Variants in SVIL observed in about 807,000 individuals in gnomAD.
The protein encoded by SVIL is supervillin.
Under a neutral mutation model 240.4 loss-of-function variants are expected in SVIL, and 101 were observed. The ratio of observed to expected loss-of-function variants is 0.42; its 90% CI spans 0.36 to 0.50. The LOEUF is 0.50. Among genes scored for constraint, SVIL ranks in the 20% least tolerant of loss-of-function variants. The pLI is 0.01. For synonymous variants in SVIL, 999 were observed against 1,100.0 expected (o/e 0.91, Z 1.82); for missense variants, 2,512 against 2,818.7 (o/e 0.89, Z 2.46).
chr10:29,552,918 G>A (rs17835057), intron 5 of SVIL, among the ~76,000 whole-genome samples: 45,429 of 151,764 alleles, frequency 0.3, 7,085 homozygotes, highest in African/African-American at 0.39. Flanking sequence ...TTACCATTTC[G>A]GGTACACTAC....
intron 5 of SVIL, among the ~76,000 whole-genome samples, chr10:29,553,159 T>A (rs779717517): frequency 6.8e-6 from 1 of 146,074 alleles, no homozygotes; most frequent in Non-Finnish European, 1.5e-5. Flanking sequence ...GATTTTAAAA[T>A]ATCTTAGTTT....
At chr10:29,482,251 C>T (rs1946970063) in intron 27 of SVIL, among the ~76,000 whole-genome samples, 1 of 152,012 alleles carries the variant, frequency 6.6e-6, no homozygotes, top group Non-Finnish European at 1.5e-5. Flanking sequence ...TCAGGCTGGT[C>T]TTGAACTCCT....
chr10:29,517,381 C>A (rs7900018), intron 16 of SVIL, among the ~76,000 whole-genome samples: 2 of 151,702 alleles, frequency 1.3e-5, no homozygotes, highest in Admixed American at 1.3e-4. Flanking sequence ...GAGCTATGAT[C>A]GCACCACTGC....
chr10:29,659,300 C>T (rs970698022), intron 2 of SVIL, among the ~76,000 whole-genome samples: 5 of 152,286 alleles, frequency 3.3e-5, no homozygotes, highest in South Asian at 4.1e-4. Flanking sequence ...GGTTAACAAG[C>T]GTGGCTTTGG....
intron 3 of SVIL, among the ~76,000 whole-genome samples, chr10:29,653,355 C>T (rs1416955949): frequency 6.6e-6 from 1 of 152,130 alleles, no homozygotes; most frequent in Non-Finnish European, 1.5e-5. Context: ...GTCTGCTTCC[C>T]ATTCACCTTC....
At chr10:29,689,653 G>A (rs1418090810) in intron 1 of SVIL, among the ~76,000 whole-genome samples, 2 of 152,202 alleles carry the variant, frequency 1.3e-5, no homozygotes, top group Non-Finnish European at 2.9e-5. Flanking sequence ...TGTTATTGGA[G>A]TATTCATGAC....
chr10:29,696,070 G>C (rs1589530294), intron 1 of SVIL, among the ~76,000 whole-genome samples: 4 of 151,862 alleles, frequency 2.6e-5, no homozygotes, highest in African/African-American at 9.7e-5. Context: ...TCCTGCCTCA[G>C]CCTGCCGAGT....
chr10:29,560,160 A>G (rs1327523836), intron 3 of SVIL, among the ~76,000 whole-genome samples: 1 of 152,164 alleles, frequency 6.6e-6, no homozygotes, highest in Non-Finnish European at 1.5e-5. Context: ...AAGCCCTTTA[A>G]CTTTTACTCT....
rs562798701 is a variant in SVIL, at chr10:29,724,021, C to T, written c.-400+11730G>A. ...TGTTTAGAGAGACTTGGGTATGGGG[C>T]AAGGGAAGTATGAACGGGTTTATAA... On this transcript the variant is annotated intron_variant, in intron 1 of 35. Coordinates refer to the SVIL transcript ENST00000375400. 5.1e-4 allele frequency among the ~76,000 whole-genome samples: 78 copies of T among 152,204 alleles called. No homozygotes were observed. The South Asian group carries it at 0.016, about 30-fold the overall frequency.
intron 1 of SVIL, among the ~76,000 whole-genome samples, chr10:29,608,070 G>T (rs954932342): frequency 1.3e-5 from 2 of 152,216 alleles, no homozygotes; most frequent in Admixed American, 6.5e-5. Context: ...GTCACTCTAT[G>T]CACAGCCCTG....
chr10:29,704,391 T>C (rs1962746022), intron 1 of SVIL, among the ~76,000 whole-genome samples: 1 of 152,168 alleles, frequency 6.6e-6, no homozygotes, highest in African/African-American at 2.4e-5. Flanking sequence ...CATGTCTCTC[T>C]CACTAGCAGA....
rs1488659542 is a variant in SVIL at position 29,467,793 on chromosome 10, A to T, written c.5926T>A (p.Trp1976Arg). Residue 1976 changes from tryptophan (W) to arginine (R), a missense_variant, in exon 33 of 38, where the codon TGG becomes AGG. Around this residue, in one of 3 missense-constraint regions of SVIL, gnomAD observed 797 missense variants for 925.3 expected, o/e 0.86. Coordinates refer to ENST00000355867, the MANE Select transcript of SVIL (RefSeq NM_021738.3). Reference sequence around the variant, plus strand: ...CTGTCTCTCCTTCCTAAGGCATCCCAGAATCCGAGTGGCTCGGAGCCTTCA... The same window carrying T: ...CTGTCTCTCCTTCCTAAGGCATCCCTGAATCCGAGTGGCTCGGAGCCTTCA... The part of the protein sequence containing the change: ...CDEGSEPLGF[W>R]DALGRRDRKA... 6.2e-7 allele frequency: 1 copy of T among 1,614,236 alleles called. No individual in the cohort carries two copies. The highest frequency in any genetic ancestry group is 8.5e-7 in the Non-Finnish European group (1 of 1,180,044).
chr10:29,670,774 C>G (rs764205813), intron 2 of SVIL, among the ~76,000 whole-genome samples: 2 of 152,182 alleles, frequency 1.3e-5, no homozygotes, highest in Non-Finnish European at 2.9e-5. Flanking sequence ...GCAGGAAAGC[C>G]AGCAAGGCTC....
intron 36 of SVIL, among the ~76,000 whole-genome samples, chr10:29,460,564 A>T (rs1287400181): frequency 6.6e-6 from 1 of 152,176 alleles, no homozygotes; most frequent in Non-Finnish European, 1.5e-5. Context: ...CGAGAAAGTT[A>T]TATTTGTCTT....
chr10:29,464,171 T>G (rs968096437), intron 34 of SVIL, among the ~76,000 whole-genome samples: 16 of 152,062 alleles, frequency 1.1e-4, no homozygotes, highest in African/African-American at 3.9e-4. Context: ...GAGTGGTGGC[T>G]CATGCCTGTA....
chr10:29,563,977 A>C (rs79807638), intron 2 of SVIL, among the ~76,000 whole-genome samples: 22,201 of 151,330 alleles, frequency 0.15, 1,635 homozygotes, highest in Admixed American at 0.16. Context: ...CTCCTTAATT[A>C]TCTCTCCAAG....
chr10:29,489,045 C>T (rs945173967), intron 22 of SVIL, among the ~76,000 whole-genome samples: 1 of 152,212 alleles, frequency 6.6e-6, no homozygotes, highest in African/African-American at 2.4e-5. Flanking sequence ...AGTACAAAAC[C>T]AGGAGCTGGA....
intron 34 of SVIL, among the ~76,000 whole-genome samples, chr10:29,464,841 G>A (rs1944704153): frequency 1.7e-5 from 2 of 120,248 alleles, no homozygotes; most frequent in Non-Finnish European, 3.2e-5. Flanking sequence ...AGAGGCAGCT[G>A]ACCTTGGCTT....
At position 29,470,567 on chromosome 10, in the gene SVIL, G is replaced by A. The variant is rs926408038; in HGVS notation, c.5636-84C>T. The A allele has an allele frequency of 9.3e-6, 14 of 1,498,262 alleles. No homozygotes were observed. In the East Asian group the frequency reaches 1.2e-4, roughly 13 times the overall value. The allele number at this position is 1,498,262 out of a possible 1,614,324, so 92.8% of individuals were successfully genotyped here. A position where few individuals can be genotyped will look rare whatever the true frequency, so the allele number is the denominator to read the frequency against. The stretch of plus-strand genomic sequence containing the variant: ...GGCCCTTCCTAGTGTCCGCTGTGTC[G>A]TCCAAGGCAGCCACCTCCGTCCAGG... On this transcript the variant is annotated intron_variant, in intron 31 of 37. Transcript: ENST00000355867.
Sources: gnomAD v4.1 joint callset for allele counts (sites outside exome capture counted in the v4.1 genomes callset) on GRCh38, gnomAD v4.1.1 for gene constraint, gnomAD v4.1.1 regional missense constraint, MANE v1.5 for transcripts, NCBI Gene and HGNC (gene_info 2026-07-23, HGNC 2026-07-21) for gene names.